NREP: variants seen among roughly 807,000 people sequenced by gnomAD.
NREP encodes the protein neuronal regeneration related protein, also known as neuronal regeneration-related protein.
Under a neutral mutation model 8.6 loss-of-function variants are expected in NREP, and 5 were observed. The observed-to-expected ratio is 0.58, with a 90% CI of 0.30 to 1.22. The LOEUF (loss-of-function observed/expected upper bound fraction) is 1.22. NREP is among the 50% of genes most tolerant of loss of function. The pLI is 0.07. For synonymous variants in NREP, 27 were observed against 28.0 expected, an observed-to-expected ratio of 0.96 and a Z score of 0.11; for missense variants, 86 against 82.5, an observed-to-expected ratio of 1.04 and a Z score of -0.17.
At chr5:111,738,807 C>G (rs894259582) in intron 2 of NREP, 1 of 152,190 alleles carries the variant, frequency 6.6e-6, no homozygotes, top group Non-Finnish European at 1.5e-5. Flanking sequence ...GAAACAGGAT[C>G]TTTGCAGAGG....
At chr5:111,954,770 A>G (rs1756262440) in intron 2 of NREP, among the ~76,000 whole-genome samples, 1 of 152,172 alleles carries the variant, frequency 6.6e-6, no homozygotes, top group Non-Finnish European at 1.5e-5. Context: ...AAAAACTATT[A>G]CCATCAAGAA....
At chr5:111,915,173 T>C (rs1755022464) in intron 2 of NREP, among the ~76,000 whole-genome samples, 1 of 152,082 alleles carries the variant, frequency 6.6e-6, no homozygotes, top group South Asian at 2.1e-4. Context: ...TGGAAGTGCC[T>C]GAGAGTTTGC....
At chr5:111,882,880 T>A (rs1176378090) in intron 2 of NREP, among the ~76,000 whole-genome samples, 1 of 152,226 alleles carries the variant, frequency 6.6e-6, no homozygotes, top group Non-Finnish European at 1.5e-5. Context: ...TCATGCCAAA[T>A]GGTAAAGACC....
intron 2 of NREP, among the ~76,000 whole-genome samples, chr5:111,778,194 T>C (rs984289901): frequency 2.0e-5 from 3 of 152,170 alleles, no homozygotes; most frequent in African/African-American, 7.2e-5. Flanking sequence ...CATCAAACTC[T>C]TCATATGCTA....
upstream of NREP, chr5:111,757,339 T>C: frequency 3.5e-6 from 3 of 866,678 alleles, no homozygotes; most frequent in South Asian, 1.6e-4. Flanking sequence ...TTCCAAGAAG[T>C]GCAGCCTTGG....
chr5:111,865,686 G>T (rs1478238329), intron 2 of NREP, among the ~76,000 whole-genome samples: 1 of 152,124 alleles, frequency 6.6e-6, no homozygotes. Context: ...TGTCATCAGA[G>T]TTCCTGTCTT....
chr5:111,855,574 G>A (rs1163086091), intron 2 of NREP, among the ~76,000 whole-genome samples: 1 of 152,090 alleles, frequency 6.6e-6, no homozygotes, highest in African/African-American at 2.4e-5. Context: ...AAGCCAGCAG[G>A]GCCCTGACTG....
intron 1 of NREP, chr5:111,756,312 A>AAACCTACACGG: frequency 2.0e-5 from 2 of 99,468 alleles, no homozygotes; most frequent in Non-Finnish European, 3.2e-5. Context: ...AAAAAAAAAA[A>AAACCTACACGG]CCCTACACGG....
intron 2 of NREP, chr5:111,739,869 T>G (rs1452984393): frequency 6.6e-6 from 1 of 152,194 alleles, no homozygotes; most frequent in African/African-American, 2.4e-5. Flanking sequence ...CTTTTAAAAC[T>G]GCTTTTTCCA....
intron 2 of NREP, among the ~76,000 whole-genome samples, chr5:111,825,417 ACT>A (rs1752599470): frequency 6.6e-6 from 1 of 152,080 alleles, no homozygotes; most frequent in Non-Finnish European, 1.5e-5. Flanking sequence ...TTTCATTTTA[ACT>A]CCACAACTGC....
At chr5:111,838,844 A>G (rs949913861) in intron 2 of NREP, among the ~76,000 whole-genome samples, 2 of 152,098 alleles carry the variant, frequency 1.3e-5, no homozygotes, top group African/African-American at 4.8e-5. Context: ...AGAAATAGAT[A>G]CATATGTGTA....
chr5:111,946,375 T>C (rs977778146), intron 2 of NREP, among the ~76,000 whole-genome samples: 1 of 152,094 alleles, frequency 6.6e-6, no homozygotes, highest in Non-Finnish European at 1.5e-5. Context: ...TTCTTCACAA[T>C]GTTAATCTAT....
chr5:111,865,352 C>T (rs1358934955), intron 2 of NREP, among the ~76,000 whole-genome samples: 1 of 152,098 alleles, frequency 6.6e-6, no homozygotes, highest in Non-Finnish European at 1.5e-5. Context: ...AAAAGCAAAC[C>T]AAGTATGTCC....
chr5:111,814,983 A>G (rs535734149), intron 2 of NREP, among the ~76,000 whole-genome samples: 2 of 151,756 alleles, frequency 1.3e-5, no homozygotes, highest in South Asian at 4.2e-4. Flanking sequence ...AAAAAGGAAT[A>G]CCAAAGGAAC....
intron 2 of NREP, among the ~76,000 whole-genome samples, chr5:111,934,039 A>G (rs1755614934): frequency 6.6e-6 from 1 of 152,066 alleles, no homozygotes. Flanking sequence ...TGGGGACAGA[A>G]AGCAGAGGCT....
chr5:111,780,658 G>A (rs1319991712), intron 2 of NREP, among the ~76,000 whole-genome samples: 2 of 152,108 alleles, frequency 1.3e-5, no homozygotes, highest in African/African-American at 4.8e-5. Flanking sequence ...GTAGAGAATA[G>A]GGAAATAATA....
At chr5:111,941,587 T>A (rs1482972919) in intron 2 of NREP, among the ~76,000 whole-genome samples, 1 of 152,082 alleles carries the variant, frequency 6.6e-6, no homozygotes, top group African/African-American at 2.4e-5. Flanking sequence ...TAGAGTCACA[T>A]TCTGAAGTAT....
chr5:111,805,590 G>T (rs948872331), intron 2 of NREP, among the ~76,000 whole-genome samples: 2 of 152,148 alleles, frequency 1.3e-5, no homozygotes, highest in African/African-American at 4.8e-5. Context: ...GTGTGCACAC[G>T]TATGTACATA....
intron 2 of NREP, among the ~76,000 whole-genome samples, chr5:111,921,524 G>A (rs527711219): frequency 3.3e-5 from 5 of 151,856 alleles, no homozygotes; most frequent in African/African-American, 1.2e-4. Flanking sequence ...GCAGTTAAGA[G>A]GTCTAGTCCC....
Sources: gnomAD v4.1 joint callset for allele counts (sites outside exome capture counted in the v4.1 genomes callset) on GRCh38, gnomAD v4.1.1 for gene constraint, MANE v1.5 for transcripts, NCBI Gene and HGNC (gene_info 2026-07-23, HGNC 2026-07-21) for gene names.